Variants in DLGAP1 observed in about 807,000 individuals in gnomAD.
DLGAP1 encodes the protein disks large-associated protein 1.
Under a neutral mutation model 90.8 loss-of-function variants are expected in DLGAP1, and 11 were observed. The ratio of observed to expected loss-of-function variants is 0.12; its 90% CI spans 0.08 to 0.20. The LOEUF (loss-of-function observed/expected upper bound fraction) is 0.20. Among genes scored for constraint, DLGAP1 ranks in the 10% least tolerant of loss-of-function variants. The probability of loss-of-function intolerance (pLI) is 1.00; values close to 1 mark genes in which losing one functional copy is unlikely to be tolerated. For synonymous variants in DLGAP1, 558 were observed against 540.7 expected (o/e 1.03, Z -0.44); for missense variants, 1,050 against 1,333.8 (o/e 0.79, Z 3.31).
intron 1 of DLGAP1, among the ~76,000 whole-genome samples, chr18:4,289,553 C>T (rs954092727): frequency 1.3e-5 from 2 of 152,142 alleles, no homozygotes; most frequent in Admixed American, 1.3e-4. Flanking sequence ...GATTCCGTAA[C>T]TGTTAAAATG....
intron 9 of DLGAP1, among the ~76,000 whole-genome samples, chr18:3,566,799 T>G (rs1360143251): frequency 2.0e-5 from 3 of 152,174 alleles, no homozygotes; most frequent in African/African-American, 7.2e-5. Context: ...CAAATCACAA[T>G]GCTGGAAGCT....
At chr18:3,924,602 A>G (rs1254567768) in intron 3 of DLGAP1, among the ~76,000 whole-genome samples, 1 of 152,206 alleles carries the variant, frequency 6.6e-6, no homozygotes, top group Non-Finnish European at 1.5e-5. Context: ...GAATTTTTTC[A>G]GCCGTATCCC....
chr18:4,069,558 T>A (rs767392124), intron 2 of DLGAP1, among the ~76,000 whole-genome samples: 4 of 152,134 alleles, frequency 2.6e-5, no homozygotes, highest in Non-Finnish European at 5.9e-5. Context: ...TCGTGAAATC[T>A]GCGTTTTAAA....
intron 2 of DLGAP1, among the ~76,000 whole-genome samples, chr18:4,082,724 G>A (rs2143636950): frequency 8.2e-6 from 1 of 122,240 alleles, no homozygotes; most frequent in African/African-American, 2.9e-5. Context: ...TTTGCAGATA[G>A]GGAAACTGAG....
chr18:4,303,005 AT>A (rs1456660853), intron 1 of DLGAP1, among the ~76,000 whole-genome samples: 1 of 151,976 alleles, frequency 6.6e-6, no homozygotes, highest in Non-Finnish European at 1.5e-5. Context: ...GTGTAATTTT[AT>A]TTGTGGCACT....
chr18:3,604,463 CACACACACAT>C (rs2057229662), intron 7 of DLGAP1: 1 of 152,104 alleles, frequency 6.6e-6, no homozygotes, highest in African/African-American at 2.4e-5. Context: ...CACGCACACA[CACACACACAT>C]ACACACAAAA....
chr18:3,918,957 G>T (rs538921331), intron 3 of DLGAP1, among the ~76,000 whole-genome samples: 16 of 152,344 alleles, frequency 1.1e-4, no homozygotes, highest in African/African-American at 3.8e-4. Flanking sequence ...ATCTACACAG[G>T]CTTCTCAAGA....
chr18:4,143,408 G>A (rs1328331197), intron 2 of DLGAP1, among the ~76,000 whole-genome samples: 1 of 151,674 alleles, frequency 6.6e-6, no homozygotes, highest in Non-Finnish European at 1.5e-5. Context: ...CCCAAGGCCC[G>A]TGATGAGTAC....
chr18:3,939,529 T>C (rs904564527), intron 3 of DLGAP1, among the ~76,000 whole-genome samples: 1 of 148,756 alleles, frequency 6.7e-6, no homozygotes, highest in Admixed American at 6.6e-5. Context: ...GCATAGAATA[T>C]ACATTTTGGA....
chr18:3,547,335 A>G (rs972063136), intron 9 of DLGAP1, among the ~76,000 whole-genome samples: 2 of 150,890 alleles, frequency 1.3e-5, no homozygotes, highest in Non-Finnish European at 3.0e-5. Flanking sequence ...AATGGGAGAA[A>G]ATGTTTCCAA....
chr18:4,016,338 C>T (rs1384269378), intron 2 of DLGAP1, among the ~76,000 whole-genome samples: 1 of 152,208 alleles, frequency 6.6e-6, no homozygotes, highest in African/African-American at 2.4e-5. Flanking sequence ...GCGGCCTCAC[C>T]TGTTATCATC....
intron 5 of DLGAP1, among the ~76,000 whole-genome samples, chr18:3,810,100 G>A (rs560028809): frequency 6.6e-6 from 1 of 152,324 alleles, no homozygotes; most frequent in Non-Finnish European, 1.5e-5. Flanking sequence ...AAAAGCTAGT[G>A]ATGAGGTGGA....
intron 1 of DLGAP1, among the ~76,000 whole-genome samples, chr18:4,432,187 T>G (rs1009526823): frequency 6.6e-6 from 1 of 152,178 alleles, no homozygotes. Flanking sequence ...AAGCTTAAAC[T>G]TTGCAAGAAT....
At chr18:3,860,098 C>CAAAAAA (rs1169488386) in intron 4 of DLGAP1, among the ~76,000 whole-genome samples, 14 of 104,902 alleles carry the variant, frequency 1.3e-4, no homozygotes, top group South Asian at 3.3e-4. Flanking sequence ...GACTCTGTCT[C>CAAAAAA]AAAAAATAAA....
At chr18:3,557,742 C>T (rs1447278824) in intron 9 of DLGAP1, among the ~76,000 whole-genome samples, 10 of 152,006 alleles carry the variant, frequency 6.6e-5, no homozygotes, top group Non-Finnish European at 1.2e-4. Context: ...GCCTGGCCAA[C>T]GTGGTGAAAC....
chr18:3,779,092 G>C (rs533294482), intron 5 of DLGAP1, among the ~76,000 whole-genome samples: 11 of 152,214 alleles, frequency 7.2e-5, no homozygotes, highest in African/African-American at 2.6e-4. Context: ...TCCAAATCTA[G>C]CTCCCAAATT....
chr18:3,778,355 C>T (rs916943156), intron 5 of DLGAP1, among the ~76,000 whole-genome samples: 4 of 151,974 alleles, frequency 2.6e-5, no homozygotes, highest in Admixed American at 6.6e-5. Context: ...GCAGGAGAAT[C>T]GCTTGAACCC....
chr18:3,627,838 TCTTC>T (rs1371536952), intron 7 of DLGAP1, among the ~76,000 whole-genome samples: 1 of 151,438 alleles, frequency 6.6e-6, no homozygotes, highest in African/African-American at 2.4e-5. Flanking sequence ...TTTCTTTCTT[TCTTC>T]CTTCCTTCCC....
At chr18:3,668,731 C>T (rs1392424125) in intron 7 of DLGAP1, among the ~76,000 whole-genome samples, 1 of 152,120 alleles carries the variant, frequency 6.6e-6, no homozygotes, top group African/African-American at 2.4e-5. Flanking sequence ...AGTGCACTGG[C>T]TCACGCATGG....
Sources: allele counts gnomAD v4.1 joint callset (sites outside exome capture counted in the v4.1 genomes callset), GRCh38; gene constraint gnomAD v4.1.1; transcripts MANE v1.5; gene names NCBI Gene and HGNC (gene_info 2026-07-23, HGNC 2026-07-21).